Variants in SCAF4 observed in about 807,000 individuals in gnomAD.
The protein encoded by SCAF4 is SR-related and CTD-associated factor 4.
In SCAF4, 25 loss-of-function variants were observed where a neutral mutation model predicts 129.8. That is an observed-to-expected ratio of 0.19 (90% confidence interval 0.14 to 0.27). The LOEUF is 0.27. Ranked by LOEUF, SCAF4 falls within the 10% of genes least tolerant of loss-of-function variation. SCAF4 has a pLI of 1.00. For missense variants in SCAF4, 1,246 were observed against 1,457.1 expected, an observed-to-expected ratio of 0.86 and a Z score of 2.36; for synonymous variants, 551 against 497.7, an observed-to-expected ratio of 1.11 and a Z score of -1.43.
rs746556664 is a variant in SCAF4 at position 31,696,770 on chromosome 21, ATT to A, written c.778-22_778-21del. On this transcript the variant is annotated intron_variant, in intron 7 of 19. Transcript: ENST00000286835. Reference sequence around the variant, plus strand: ...CAACTTCTGGAATAATTATGTCAATATTTCATTTTAAAATTTAGACTGATTCA... The same window carrying A: ...CAACTTCTGGAATAATTATGTCAATATCATTTTAAAATTTAGACTGATTCA... 3.2e-6 allele frequency: 5 copies of A among 1,582,370 alleles called. No homozygotes were observed. The African/African-American group carries it at 5.4e-5, about 17-fold the overall frequency.
Position 31,701,832 on chromosome 21 carries a change from T to C in SCAF4, c.544A>G (p.Ser182Gly). Residue 182 changes from serine (S) to glycine (G), a missense_variant, in exon 6 of 20, where the codon AGC (serine) becomes GGC (glycine). Around this residue, in one of 6 missense-constraint regions of SCAF4, gnomAD observed 143 missense variants for 161.0 expected, o/e 0.89. Transcript: ENST00000286835. Reference sequence around the variant, plus strand: ...GCCACAGCAGCAAAAGCATCAGAGCTGGGCAACTGTGGTACAGCTGGGACG... The same window carrying C: ...GCCACAGCAGCAAAAGCATCAGAGCCGGGCAACTGTGGTACAGCTGGGACG... ...NSVPAVPQLP[S>G]SDAFAAVAQL... The C allele has an allele frequency of 6.2e-7, 1 of 1,614,052 alleles. No homozygotes were observed. Among genetic ancestry groups the C allele is most frequent in the Middle Eastern group, 1.7e-4 (1 of 6,056 alleles).
chr21:31,701,029 A>G lies in SCAF4; in HGVS notation c.743T>C (p.Phe248Ser). The G allele has an allele frequency of 1.9e-6, 3 of 1,614,052 alleles. No individual in the cohort carries two copies. In the South Asian group the frequency reaches 3.3e-5, roughly 18 times the overall value. The part of the protein sequence containing the change: ...PTQPSEQKAA[F>S]PPPEQKTAFD... ...TGCAGTTTTCTGTTCAGGTGGGGGG[A>G]AAGCAGCTTTTTGTTCAGATGGTTG... Residue 248 changes from phenylalanine (F) to serine (S), a missense_variant, in exon 7 of 20, where the codon TTC (phenylalanine) becomes TCC (serine). Transcript: ENST00000286835.
At chr21:31,694,593 G>A (rs1208659729) in intron 10 of SCAF4, among the ~76,000 whole-genome samples, 1 of 152,116 alleles carries the variant, frequency 6.6e-6, no homozygotes, top group Admixed American at 6.5e-5. Flanking sequence ...CACTAGTTAA[G>A]CCTTCAACAC....
chr21:31,700,613 CAATT>C (rs2050501983), intron 7 of SCAF4: 2 of 266,376 alleles, frequency 7.5e-6, no homozygotes, highest in Non-Finnish European at 1.5e-5. Context: ...GTATTATACT[CAATT>C]AAAGAAAAGC....
intron 7 of SCAF4, among the ~76,000 whole-genome samples, chr21:31,699,387 T>C (rs1033816561): frequency 3.3e-5 from 5 of 152,076 alleles, no homozygotes; most frequent in Non-Finnish European, 5.9e-5. Flanking sequence ...AAACCAAATA[T>C]GTGAGTTTAT....
intron 1 of SCAF4, among the ~76,000 whole-genome samples, chr21:31,719,498 ATTC>A (rs1039328907): frequency 3.3e-4 from 50 of 151,798 alleles, no homozygotes; most frequent in Non-Finnish European, 5.7e-4. Context: ...ATGTATTATT[ATTC>A]TTCTTTTTTT....
At position 31,702,390 on chromosome 21, in the gene SCAF4, T is replaced by G. The variant is rs754239547; in HGVS notation, c.322-11A>C. ...ACGAACTATTTTACTCTGTTACGCATGAGAAACACAAATATACAATAAATA... is the reference window on the plus strand; with the variant it reads ...ACGAACTATTTTACTCTGTTACGCAGGAGAAACACAAATATACAATAAATA... On this transcript the variant is annotated splice_polypyrimidine_tract_variant and intron_variant, in intron 4 of 19. Transcript: ENST00000286835. 6.2e-7 allele frequency: 1 copy of G among 1,610,964 alleles called. No individual in the cohort carries two copies. Among genetic ancestry groups the G allele is most frequent in the Non-Finnish European group, 8.5e-7 (1 of 1,178,522 alleles).
chr21:31,685,543 T>C (rs1253162271), intron 17 of SCAF4, 25 bp downstream of exon 17: 16 of 1,613,918 alleles, frequency 9.9e-6, no homozygotes, highest in Non-Finnish European at 1.4e-5. Context: ...GGCTCTAAAG[T>C]ATGTTCACAG....
chr21:31,701,831 C>A lies in SCAF4; in HGVS notation c.545G>T (p.Ser182Ile). The A allele has an allele frequency of 1.2e-6, 2 of 1,613,980 alleles. No homozygotes were observed. Among genetic ancestry groups the A allele is most frequent in the Non-Finnish European group, 1.7e-6 (2 of 1,179,984 alleles). ...AGCCACAGCAGCAAAAGCATCAGAGCTGGGCAACTGTGGTACAGCTGGGAC... is the reference window on the plus strand; with the variant it reads ...AGCCACAGCAGCAAAAGCATCAGAGATGGGCAACTGTGGTACAGCTGGGAC... ...NSVPAVPQLP[S>I]SDAFAAVAQL... Residue 182 changes from serine to isoleucine, a missense_variant, in exon 6 of 20, where the codon AGC becomes ATC. By Grantham distance (142) the Ser-to-Ile change is moderately radical. Transcript: ENST00000286835.
intron 1 of SCAF4, among the ~76,000 whole-genome samples, chr21:31,731,015 C>T (rs1049368540): frequency 3.9e-5 from 6 of 152,216 alleles, no homozygotes; most frequent in African/African-American, 1.4e-4. Context: ...GCCATAGAGC[C>T]TATAAGAGGG....
At chr21:31,677,438 A>T (rs192351407) in intron 19 of SCAF4, among the ~76,000 whole-genome samples, 347 of 152,278 alleles carry the variant, frequency 2.3e-3, no homozygotes, top group Non-Finnish European at 3.2e-3. Flanking sequence ...TCTCCTCTAT[A>T]GCAAATCTCC....
chr21:31,719,104 A>C (rs1047038248), intron 1 of SCAF4, among the ~76,000 whole-genome samples: 22 of 152,168 alleles, frequency 1.4e-4, no homozygotes, highest in African/African-American at 5.1e-4. Flanking sequence ...CAGCCTGATC[A>C]ACATGGAGAA....
At chr21:31,679,666 T>TA (rs1433569734) in intron 19 of SCAF4, among the ~76,000 whole-genome samples, 1 of 152,172 alleles carries the variant, frequency 6.6e-6, no homozygotes, top group African/African-American at 2.4e-5. Context: ...CAATAATATA[T>TA]AATGCAGATA....
chr21:31,711,909 A>AT, intron 1 of SCAF4, among the ~76,000 whole-genome samples: 1 of 152,164 alleles, frequency 6.6e-6, no homozygotes, highest in East Asian at 1.9e-4. Context: ...AATAGGGTCA[A>AT]TTTTTTGATG....
chr21:31,685,292 C>T lies in SCAF4; in HGVS notation c.2297-52G>A, dbSNP rs372180289. ...TGAAGCTGAATAATTAATTATCTCCCGGTCAACATTCTTATGCCATACTAT... is the reference window on the plus strand; with the variant it reads ...TGAAGCTGAATAATTAATTATCTCCTGGTCAACATTCTTATGCCATACTAT... On this transcript the variant is annotated intron_variant, in intron 18 of 19. Coordinates refer to ENST00000286835, the MANE Select transcript of SCAF4 (RefSeq NM_020706.2). The T allele has an allele frequency of 9.0e-5, 135 of 1,504,442 alleles. 1 individual carries two copies. The South Asian group carries it at 1.2e-3, about 13-fold the overall frequency. The allele number at this position is 1,504,442 out of a possible 1,614,324, so 93.2% of individuals were successfully genotyped here.
At chr21:31,728,192 T>A (rs1012674586) in intron 1 of SCAF4, among the ~76,000 whole-genome samples, 1 of 152,172 alleles carries the variant, frequency 6.6e-6, no homozygotes, top group Non-Finnish European at 1.5e-5. Context: ...TCTAAAAGAC[T>A]AGGGATTCAA....
chr21:31,696,293 CAG>C (rs1295315265), intron 8 of SCAF4, 72 bp from the exon 9 acceptor site: 22 of 1,175,366 alleles, frequency 1.9e-5, no homozygotes, highest in African/African-American at 9.0e-5. Context: ...ATTACAGAAA[CAG>C]AGTGTTGTTC....
chr21:31,673,784 C>G (rs1601170070), intron 19 of SCAF4, among the ~76,000 whole-genome samples: 2 of 152,254 alleles, frequency 1.3e-5, no homozygotes, highest in South Asian at 4.1e-4. Flanking sequence ...CAGGCACAGT[C>G]TCTTTTAATA....
In SCAF4 at chr21:31,731,958, G is replaced by A; in HGVS notation, c.-266C>T. The A allele has an allele frequency of 4.2e-6, 2 of 479,254 alleles. No homozygotes were observed. The highest frequency in any genetic ancestry group is 7.2e-6 in the Non-Finnish European group (2 of 276,704). The allele number at this position is 479,254 out of a possible 1,614,324, so 29.7% of individuals were successfully genotyped here. A position where few individuals can be genotyped will look rare whatever the true frequency, so the allele number is the denominator to read the frequency against. On this transcript the variant is annotated 5_prime_UTR_variant, in exon 1 of 20. The change creates a new upstream start codon in the 5' untranslated region. Coordinates refer to ENST00000286835, the MANE Select transcript of SCAF4 (RefSeq NM_020706.2). The stretch of plus-strand genomic sequence containing the variant: ...GGCAGCGCTGGTCTTCAACATGTCC[G>A]TTTGGTGGTGGCGGCTGCGCTCTGC...
Sources: gnomAD v4.1 joint callset for allele counts (sites outside exome capture counted in the v4.1 genomes callset) on GRCh38, gnomAD v4.1.1 for gene constraint, gnomAD v4.1.1 regional missense constraint, MANE v1.5 for transcripts, NCBI Gene and HGNC (gene_info 2026-07-23, HGNC 2026-07-21) for gene names.